Variants in PTPRM observed in about 807,000 individuals in gnomAD.
PTPRM encodes protein tyrosine phosphatase receptor type M.
PTPRM carries 47 observed loss-of-function variants against 186.7 expected under a neutral mutation model. The observed-to-expected ratio is 0.25, with a 90% CI of 0.20 to 0.32. The LOEUF (loss-of-function observed/expected upper bound fraction) is 0.32, where lower values mean the gene tolerates loss of function less well. PTPRM is among the 10% of genes least tolerant of loss of function. The probability of loss-of-function intolerance (pLI) is 1.00; values close to 1 mark genes in which losing one functional copy is unlikely to be tolerated. For synonymous variants in PTPRM, 668 were observed against 674.9 expected, an observed-to-expected ratio of 0.99 and a Z score of 0.16; for missense variants, 1,494 against 1,865.0, an observed-to-expected ratio of 0.80 and a Z score of 3.66.
chr18:7,980,853 T>A (rs1032275086), intron 7 of PTPRM, among the ~76,000 whole-genome samples: 2 of 152,178 alleles, frequency 1.3e-5, no homozygotes, highest in African/African-American at 4.8e-5. Flanking sequence ...ATTTCATGTG[T>A]TGATCTGTCT....
intron 1 of PTPRM, among the ~76,000 whole-genome samples, chr18:7,680,554 G>A (rs1238910947): frequency 6.6e-6 from 1 of 152,146 alleles, no homozygotes; most frequent in Admixed American, 6.5e-5. Flanking sequence ...GGTAGACGTA[G>A]GAAAACCGTT....
rs1056288119 is a variant in PTPRM, at chr18:7,624,503, T to G, written c.73+56612T>G. 5.3e-5 allele frequency among the ~76,000 whole-genome samples: 8 copies of G among 152,062 alleles called. No homozygotes were observed. The East Asian group carries it at 9.6e-4, about 18-fold the overall frequency. ...GTGCCTCAGATTCTGCTTTTTTTTT[T>G]GGGACAGGGTATCACTCTGTTGTCC... On this transcript the variant is annotated intron_variant, in intron 1 of 32. Transcript: ENST00000580170.
chr18:7,650,932 CTTTTTT>C (rs35637548), intron 1 of PTPRM, among the ~76,000 whole-genome samples: 1 of 137,134 alleles, frequency 7.3e-6, no homozygotes, highest in Admixed American at 7.3e-5. Flanking sequence ...AGAGAAATAT[CTTTTTT>C]TTTTTTTTTT....
intron 4 of PTPRM, among the ~76,000 whole-genome samples, chr18:7,912,318 G>A (rs2050317044): frequency 1.3e-5 from 2 of 152,110 alleles, no homozygotes; most frequent in African/African-American, 4.8e-5. Context: ...TGGTACCCTT[G>A]TTGAAAATTA....
chr18:7,739,842 T>G (rs2144496175), intron 1 of PTPRM, among the ~76,000 whole-genome samples: 1 of 152,358 alleles, frequency 6.6e-6, no homozygotes, highest in South Asian at 2.1e-4. Flanking sequence ...AGGTAATGTC[T>G]TTTCCTTGAA....
chr18:7,933,710 T>A (rs1015383145), intron 5 of PTPRM, among the ~76,000 whole-genome samples: 1 of 152,164 alleles, frequency 6.6e-6, no homozygotes, highest in African/African-American at 2.4e-5. Context: ...AAAGTAGATT[T>A]GTAGTTAGAG....
At chr18:7,903,661 G>A (rs567102665) in intron 3 of PTPRM, among the ~76,000 whole-genome samples, 1 of 152,092 alleles carries the variant, frequency 6.6e-6, no homozygotes, top group African/African-American at 2.4e-5. Context: ...TTAAACTTAC[G>A]AACAGGATGA....
intron 7 of PTPRM, among the ~76,000 whole-genome samples, chr18:7,959,261 C>T (rs1386320037): frequency 6.6e-6 from 1 of 152,096 alleles, no homozygotes; most frequent in African/African-American, 2.4e-5. Context: ...CCTCATTACC[C>T]AATGTTTTAG....
chr18:7,952,710 A>G (rs1387820118), intron 6 of PTPRM, among the ~76,000 whole-genome samples: 1 of 147,054 alleles, frequency 6.8e-6, no homozygotes, highest in Non-Finnish European at 1.5e-5. Flanking sequence ...AAAAGAAAAG[A>G]AAATGTAAAT....
rs114400630 is a variant in PTPRM, at chr18:7,795,233, T to C, written c.196+20962T>C. The stretch of plus-strand genomic sequence containing the variant: ...ACTGGTGGCCAGTGGTGTCATTTGA[T>C]GTAGGAATTCTGTCAGTAAGCTCTT... On this transcript the variant is annotated intron_variant, in intron 2 of 32. Coordinates refer to ENST00000580170, the MANE Select transcript of PTPRM (RefSeq NM_001105244.2). 7.6e-3 allele frequency among the ~76,000 whole-genome samples: 1,164 copies of C among 152,298 alleles called. 19 individuals carry two copies. Among genetic ancestry groups the C allele is most frequent in the African/African-American group, 0.026 (1,069 of 41,566 alleles).
intron 23 of PTPRM, among the ~76,000 whole-genome samples, chr18:8,370,279 T>C (rs2095656215): frequency 6.6e-6 from 1 of 152,010 alleles, no homozygotes; most frequent in Non-Finnish European, 1.5e-5. Flanking sequence ...GGAAATCAAA[T>C]GCCCCTTGCA....
intron 2 of PTPRM, among the ~76,000 whole-genome samples, chr18:7,811,343 A>T (rs1461424795): frequency 6.6e-6 from 1 of 152,084 alleles, no homozygotes; most frequent in Non-Finnish European, 1.5e-5. Flanking sequence ...TTTGCACAGG[A>T]TGCTTGGGAG....
intron 17 of PTPRM, among the ~76,000 whole-genome samples, chr18:8,249,232 T>TA (rs745539440): frequency 6.6e-6 from 1 of 152,228 alleles, no homozygotes; most frequent in Non-Finnish European, 1.5e-5. Context: ...TCTAAGTTGT[T>TA]ACGATTTTTG....
intron 1 of PTPRM, among the ~76,000 whole-genome samples, chr18:7,682,526 A>G (rs2039502843): frequency 1.3e-5 from 2 of 152,122 alleles, no homozygotes; most frequent in African/African-American, 2.4e-5. Context: ...GTATGGGACA[A>G]TTGTTTATAG....
chr18:7,653,454 C>T (rs1161118640), intron 1 of PTPRM, among the ~76,000 whole-genome samples: 1 of 151,976 alleles, frequency 6.6e-6, no homozygotes, highest in South Asian at 2.1e-4. Flanking sequence ...TTTCCTGATC[C>T]TCTCCCTCCT....
At chr18:8,025,000 A>T (rs1222979300) in intron 7 of PTPRM, among the ~76,000 whole-genome samples, 1 of 152,096 alleles carries the variant, frequency 6.6e-6, no homozygotes, top group East Asian at 1.9e-4. Flanking sequence ...GAGTGACCGC[A>T]CCTGGCCCAA....
chr18:7,692,655 A>G (rs186134918), intron 1 of PTPRM, among the ~76,000 whole-genome samples: 37 of 152,332 alleles, frequency 2.4e-4, no homozygotes, highest in African/African-American at 8.9e-4. Context: ...CTTATTCTTG[A>G]GTTCCTTGGA....
At chr18:7,580,171 G>A (rs1015885655) in intron 1 of PTPRM, among the ~76,000 whole-genome samples, 1 of 152,166 alleles carries the variant, frequency 6.6e-6, no homozygotes. Flanking sequence ...ATTGTCATCA[G>A]CTTATGTCTT....
intron 30 of PTPRM, among the ~76,000 whole-genome samples, chr18:8,386,444 A>G (rs1195690094): frequency 1.3e-5 from 2 of 152,184 alleles, no homozygotes; most frequent in East Asian, 1.9e-4. Flanking sequence ...CGTGTTGACA[A>G]GAAGAGAGTG....
Sources: allele counts gnomAD v4.1 joint callset (sites outside exome capture counted in the v4.1 genomes callset), GRCh38; gene constraint gnomAD v4.1.1; transcripts MANE v1.5; gene names NCBI Gene and HGNC (gene_info 2026-07-23, HGNC 2026-07-21).